Variants in PCDH7 observed in about 807,000 individuals in gnomAD.
PCDH7 encodes protocadherin 7.
A neutral mutation model predicts 58.9 loss-of-function variants in PCDH7; 17 were observed. The observed-to-expected ratio is 0.29, with a 90% CI of 0.20 to 0.43. The LOEUF is 0.43. Among genes scored for constraint, PCDH7 ranks in the 20% least tolerant of loss-of-function variants. The pLI, the probability that PCDH7 is intolerant of heterozygous loss-of-function variation, is 1.00. For missense variants in PCDH7, 1,274 were observed against 1,441.0 expected (o/e 0.88, Z 1.88); for synonymous variants, 664 against 616.4 (o/e 1.08, Z -1.14).
intron 3 of PCDH7, among the ~76,000 whole-genome samples, chr4:31,135,838 A>C (rs1719535948): frequency 6.6e-6 from 1 of 152,132 alleles, no homozygotes; most frequent in South Asian, 2.1e-4. Flanking sequence ...ATGAAGGGGG[A>C]ACAAGATCCT....
Position 30,834,663 on chromosome 4 carries a change from GT to G in PCDH7, c.71-85489del, listed in dbSNP as rs202121195. Among the ~76,000 whole-genome samples, 1,228 of 147,454 alleles carry G rather than the reference GT, an allele frequency of 8.3e-3. 20 individuals carry two copies. The highest frequency in any genetic ancestry group is 0.029 in the African/African-American group (1,170 of 40,362). On this transcript the variant is annotated intron_variant, in intron 1 of 3. Coordinates refer to the PCDH7 transcript ENST00000509759. Reference sequence around the variant, plus strand: ...CAGTTTTCAACTAATAGAGATGAAAGTAAAAAAAAAAAAAACCTGAGTCTCT... The same window carrying G: ...CAGTTTTCAACTAATAGAGATGAAAGAAAAAAAAAAAAAACCTGAGTCTCT...
intron 2 of PCDH7, among the ~76,000 whole-genome samples, chr4:30,933,817 A>G (rs1744979042): frequency 1.3e-5 from 2 of 152,208 alleles, no homozygotes; most frequent in African/African-American, 4.8e-5. Flanking sequence ...AAATGCTCAT[A>G]ATTCTCAGGT....
At chr4:31,032,189 T>C (rs1168120808) in intron 3 of PCDH7, among the ~76,000 whole-genome samples, 1 of 152,242 alleles carries the variant, frequency 6.6e-6, no homozygotes. Context: ...GTTTGGCCTC[T>C]AATTATAGGA....
At chr4:30,983,577 T>C (rs2109113425) in intron 3 of PCDH7, among the ~76,000 whole-genome samples, 1 of 152,346 alleles carries the variant, frequency 6.6e-6, no homozygotes, top group Non-Finnish European at 1.5e-5. Context: ...AGCTTTATTT[T>C]TCATCACACT....
chr4:30,941,158 C>T (rs1745993333), intron 2 of PCDH7, among the ~76,000 whole-genome samples: 1 of 151,896 alleles, frequency 6.6e-6, no homozygotes, highest in Non-Finnish European at 1.5e-5. Flanking sequence ...CAAAGAACAA[C>T]TTGTATTTTA....
At chr4:30,970,618 A>G (rs950302479) in intron 3 of PCDH7, among the ~76,000 whole-genome samples, 6 of 152,160 alleles carry the variant, frequency 3.9e-5, no homozygotes, top group African/African-American at 1.4e-4. Flanking sequence ...AATATCAGAC[A>G]CTTTTTTCTT....
At chr4:30,983,528 AG>A (rs1211163804) in intron 3 of PCDH7, among the ~76,000 whole-genome samples, 2 of 152,260 alleles carry the variant, frequency 1.3e-5, no homozygotes, top group African/African-American at 4.8e-5. Flanking sequence ...TTTCAAATTC[AG>A]AAAAAGAGCA....
intron 1 of PCDH7, among the ~76,000 whole-genome samples, chr4:30,747,765 C>G (rs1341010982): frequency 6.6e-6 from 1 of 152,094 alleles, no homozygotes; most frequent in African/African-American, 2.4e-5. Flanking sequence ...CACAGGTTTC[C>G]TGGATTAGGA....
chr4:30,944,620 G>T (rs1288351282), intron 2 of PCDH7, among the ~76,000 whole-genome samples: 2 of 152,226 alleles, frequency 1.3e-5, no homozygotes, highest in South Asian at 2.1e-4. Flanking sequence ...GACTGTAAAT[G>T]TTCTAGTGAG....
At chr4:30,923,133 C>G (rs1743398982) in intron 2 of PCDH7, among the ~76,000 whole-genome samples, 1 of 152,068 alleles carries the variant, frequency 6.6e-6, no homozygotes, top group South Asian at 2.1e-4. Context: ...GGATGCTGTG[C>G]TAGTTCCTAA....
chr4:30,999,815 G>A (rs1752211534), intron 3 of PCDH7, among the ~76,000 whole-genome samples: 1 of 152,030 alleles, frequency 6.6e-6, no homozygotes, highest in Non-Finnish European at 1.5e-5. Flanking sequence ...AAAGTAAGAA[G>A]TTAATGATAT....
chr4:30,802,187 A>T (rs1435792919), intron 1 of PCDH7, among the ~76,000 whole-genome samples: 1 of 152,204 alleles, frequency 6.6e-6, no homozygotes, highest in East Asian at 1.9e-4. Flanking sequence ...AAGTGAATGA[A>T]TTCATATCAA....
chr4:30,844,210 T>C (rs181267345), intron 1 of PCDH7, among the ~76,000 whole-genome samples: 13 of 152,272 alleles, frequency 8.5e-5, no homozygotes, highest in Admixed American at 7.9e-4. Flanking sequence ...TAAATAAATA[T>C]ATAGGAAGTA....
chr4:30,781,008 A>G (rs2109288667), intron 1 of PCDH7, among the ~76,000 whole-genome samples: 1 of 152,290 alleles, frequency 6.6e-6, no homozygotes, highest in African/African-American at 2.4e-5. Context: ...TAAAACTATA[A>G]GAAATAGTTT....
intron 1 of PCDH7, among the ~76,000 whole-genome samples, chr4:30,860,958 T>C (rs948559748): frequency 6.6e-6 from 1 of 152,282 alleles, no homozygotes; most frequent in Non-Finnish European, 1.5e-5. Flanking sequence ...CATATCAAAA[T>C]CATTTTTAAA....
intron 3 of PCDH7, among the ~76,000 whole-genome samples, chr4:31,005,765 C>T (rs1221199881): frequency 6.6e-6 from 1 of 152,092 alleles, no homozygotes; most frequent in Non-Finnish European, 1.5e-5. Flanking sequence ...CACTATTAGC[C>T]ATGTACAGCT....
At chr4:31,039,476 G>A (rs191192724) in intron 3 of PCDH7, among the ~76,000 whole-genome samples, 5 of 152,150 alleles carry the variant, frequency 3.3e-5, no homozygotes, top group East Asian at 3.9e-4. Context: ...GGTGCTCTAC[G>A]GCCTTGAATT....
intron 2 of PCDH7, among the ~76,000 whole-genome samples, chr4:30,935,988 T>C (rs1325601178): frequency 1.3e-5 from 2 of 152,152 alleles, no homozygotes; most frequent in East Asian, 3.9e-4. Context: ...TATAATTATA[T>C]TGGTATTCAC....
intron 3 of PCDH7, among the ~76,000 whole-genome samples, chr4:31,097,096 C>A (rs545164386): frequency 6.5e-4 from 99 of 152,186 alleles, no homozygotes; most frequent in African/African-American, 2.2e-3. Context: ...GCCATTGTGA[C>A]ATCCATTAAA....
Sources: allele counts gnomAD v4.1 joint callset (sites outside exome capture counted in the v4.1 genomes callset), GRCh38; gene constraint gnomAD v4.1.1; transcripts MANE v1.5; gene names NCBI Gene and HGNC (gene_info 2026-07-23, HGNC 2026-07-21).